The following GABRB2 variants were observed in gnomAD, a reference collection of about 807,000 sequenced individuals.
The protein encoded by GABRB2 is gamma-aminobutyric acid receptor subunit beta-2.
Under a neutral mutation model 54.7 loss-of-function variants are expected in GABRB2, and 16 were observed. That is an observed-to-expected ratio of 0.29 (90% CI 0.20 to 0.44). The LOEUF (loss-of-function observed/expected upper bound fraction) is 0.44, where lower values mean the gene tolerates loss of function less well. GABRB2 is among the 20% of genes least tolerant of loss of function. The probability of loss-of-function intolerance (pLI) is 1.00; values close to 1 mark genes in which losing one functional copy is unlikely to be tolerated. For missense variants in GABRB2, 355 were observed against 644.0 expected (o/e 0.55, Z 4.86); for synonymous variants, 244 against 233.8 (o/e 1.04, Z -0.40).
At chr5:161,472,603 C>T (rs1758476499) in intron 3 of GABRB2, among the ~76,000 whole-genome samples, 1 of 151,832 alleles carries the variant, frequency 6.6e-6, no homozygotes, top group Non-Finnish European at 1.5e-5. Flanking sequence ...TACACGTGCT[C>T]CTAAACACAC....
intron 3 of GABRB2, among the ~76,000 whole-genome samples, chr5:161,523,915 G>A (rs556276998): frequency 2.6e-5 from 4 of 151,370 alleles, no homozygotes; most frequent in Admixed American, 2.6e-4. Context: ...AATTTCTGAA[G>A]GAAACAATAA....
intron 4 of GABRB2, among the ~76,000 whole-genome samples, chr5:161,446,075 T>A (rs1374501214): frequency 6.6e-6 from 1 of 152,206 alleles, no homozygotes; most frequent in Non-Finnish European, 1.5e-5. Flanking sequence ...TATTATTATG[T>A]TTAACTTCCA....
chr5:161,350,277 G>A (rs1482866992), intron 5 of GABRB2, among the ~76,000 whole-genome samples: 1 of 152,006 alleles, frequency 6.6e-6, no homozygotes, highest in Non-Finnish European at 1.5e-5. Flanking sequence ...CAGATGATAT[G>A]ATATATACAG....
chr5:161,413,249 T>A (rs1036853232), intron 4 of GABRB2, among the ~76,000 whole-genome samples: 5 of 152,166 alleles, frequency 3.3e-5, no homozygotes, highest in African/African-American at 1.2e-4. Flanking sequence ...ATTTGGAAGA[T>A]TATTTTATTA....
At chr5:161,362,447 T>C (rs949055322) in intron 5 of GABRB2, among the ~76,000 whole-genome samples, 1 of 152,134 alleles carries the variant, frequency 6.6e-6, no homozygotes, top group Non-Finnish European at 1.5e-5. Flanking sequence ...TCCTCTCTTA[T>C]TTCCTTGAGC....
upstream of GABRB2, chr5:161,548,127 AG>A: frequency 6.5e-6 from 1 of 152,742 alleles, no homozygotes; most frequent in Non-Finnish European, 1.5e-5. Context: ...CCCCGCGCCC[AG>A]GGGACTCGCA....
Position 161,546,693 on chromosome 5 carries a change from A to G in GABRB2, c.-50T>C, listed in dbSNP as rs777888596. 1.2e-5 allele frequency: 19 copies of G among 1,555,672 alleles called. No individual in the cohort carries two copies. Among genetic ancestry groups the G allele is most frequent in the East Asian group, 1.2e-4 (5 of 41,810 alleles). ...GGGTTTCACTGAAGAGAGGAGATCC[A>G]ACTTAGTCTGCCCAGTGCAGTAATT... On this transcript the variant is annotated 5_prime_UTR_variant, in exon 1 of 10. Transcript: ENST00000393959.
chr5:161,516,011 A>G (rs1161867352), intron 3 of GABRB2, among the ~76,000 whole-genome samples: 1 of 151,902 alleles, frequency 6.6e-6, no homozygotes, highest in Non-Finnish European at 1.5e-5. Context: ...GGCAGTTGCT[A>G]TAGAAAATAA....
At chr5:161,423,475 T>C (rs1756909608) in intron 4 of GABRB2, among the ~76,000 whole-genome samples, 1 of 152,198 alleles carries the variant, frequency 6.6e-6, no homozygotes, top group African/African-American at 2.4e-5. Flanking sequence ...ATTCTTACAA[T>C]ATTTCAAACT....
In GABRB2 at chr5:161,290,638, G is replaced by A. The variant is rs553240657; in HGVS notation, c.*3443C>T. ...CATATATATGTATGTATGTTTATAT[G>A]AATCTATATATACACATATATACAT... On this transcript the variant is annotated 3_prime_UTR_variant, in exon 10 of 10. Coordinates refer to ENST00000393959, the MANE Select transcript of GABRB2 (RefSeq NM_001371727.1). 1 of 152,566 alleles carries A rather than the reference G, an allele frequency of 6.6e-6. No individual in the cohort carries two copies. Among genetic ancestry groups the A allele is most frequent in the Non-Finnish European group, 1.5e-5 (1 of 67,988 alleles). The allele number at this position is 152,566 out of a possible 1,614,324, so 9.5% of individuals were successfully genotyped here.
chr5:161,361,995 G>A (rs1361441318), intron 5 of GABRB2, among the ~76,000 whole-genome samples: 1 of 152,116 alleles, frequency 6.6e-6, no homozygotes, highest in Non-Finnish European at 1.5e-5. Context: ...TCTGCATACG[G>A]CTAGCCAGTT....
intron 9 of GABRB2, among the ~76,000 whole-genome samples, chr5:161,323,366 C>T (rs919177256): frequency 3.9e-5 from 6 of 152,190 alleles, no homozygotes; most frequent in African/African-American, 1.4e-4. Context: ...TCTGTCTTTG[C>T]ATGTTGAGGT....
In GABRB2 at chr5:161,293,348, G is replaced by A. The variant is rs904822485; in HGVS notation, c.*733C>T. The A allele has an allele frequency of 4.6e-5, 7 of 152,126 alleles. No individual in the cohort carries two copies. Among genetic ancestry groups the A allele is most frequent in the African/African-American group, 1.4e-4 (6 of 41,424 alleles). The allele number at this position is 152,126 out of a possible 1,614,324, so 9.4% of individuals were successfully genotyped here. The stretch of plus-strand genomic sequence containing the variant: ...CTGATTTTCTACTCTGCTCTGTGTT[G>A]TTAACTCTTACTTTAACCACCTAGG... On this transcript the variant is annotated 3_prime_UTR_variant, in exon 10 of 10. Coordinates refer to ENST00000393959, the MANE Select transcript of GABRB2 (RefSeq NM_001371727.1).
chr5:161,486,920 G>C (rs1228881155), intron 3 of GABRB2, among the ~76,000 whole-genome samples: 2 of 151,842 alleles, frequency 1.3e-5, no homozygotes, highest in Non-Finnish European at 2.9e-5. Flanking sequence ...CTGAAGTCAG[G>C]TAGAGAAAGA....
chr5:161,446,368 C>T (rs933324499), intron 4 of GABRB2, among the ~76,000 whole-genome samples: 3 of 152,102 alleles, frequency 2.0e-5, no homozygotes, highest in Admixed American at 2.0e-4. Flanking sequence ...ATTATTTTTT[C>T]TGGCTTCTTT....
intron 5 of GABRB2, among the ~76,000 whole-genome samples, chr5:161,400,260 G>C (rs1374021837): frequency 6.6e-6 from 1 of 152,118 alleles, no homozygotes; most frequent in Non-Finnish European, 1.5e-5. Context: ...TTCACAAAGT[G>C]CTCTCCAGCA....
intron 5 of GABRB2, among the ~76,000 whole-genome samples, chr5:161,370,493 C>T (rs2113466973): frequency 6.6e-6 from 1 of 152,294 alleles, no homozygotes; most frequent in South Asian, 2.1e-4. Context: ...GTGCCAGGGG[C>T]TTTGTGGCCA....
chr5:161,436,811 A>T (rs1757324744), intron 4 of GABRB2, among the ~76,000 whole-genome samples: 1 of 152,112 alleles, frequency 6.6e-6, no homozygotes, highest in African/African-American at 2.4e-5. Context: ...TAGTGCTGAG[A>T]GCATCTCTGG....
chr5:161,361,036 G>C (rs1580916183), intron 5 of GABRB2, among the ~76,000 whole-genome samples: 1 of 151,548 alleles, frequency 6.6e-6, no homozygotes, highest in Admixed American at 6.6e-5. Flanking sequence ...AAGAAAAGAA[G>C]ATACTGCACT....
Sources: allele counts gnomAD v4.1 joint callset (sites outside exome capture counted in the v4.1 genomes callset), GRCh38; gene constraint gnomAD v4.1.1; transcripts MANE v1.5; gene names NCBI Gene and HGNC (gene_info 2026-07-23, HGNC 2026-07-21).